SARNP: variants seen among roughly 807,000 people sequenced by gnomAD.
SARNP encodes the protein SAP domain-containing ribonucleoprotein.
SARNP carries 5 observed loss-of-function variants against 38.1 expected under a neutral mutation model. That is an observed-to-expected ratio of 0.13 (90% CI 0.07 to 0.28). The LOEUF is 0.28. Among genes scored for constraint, SARNP ranks in the 10% least tolerant of loss-of-function variants. The probability of loss-of-function intolerance (pLI) is 1.00; values close to 1 mark genes in which losing one functional copy is unlikely to be tolerated. For synonymous variants in SARNP, 84 were observed against 80.6 expected (o/e 1.04, Z -0.23); for missense variants, 180 against 243.9 (o/e 0.74, Z 1.75).
intron 1 of SARNP, among the ~76,000 whole-genome samples, chr12:55,811,794 A>G (rs1240720867): frequency 3.3e-5 from 5 of 152,162 alleles, no homozygotes; most frequent in Non-Finnish European, 7.3e-5. Flanking sequence ...TTGTCATTCC[A>G]CATATATCAA....
rs370359310 is a variant in SARNP at position 55,803,723 on chromosome 12, G to A, written c.42C>T (p.Ala14=). The A allele has an allele frequency of 4.1e-5, 66 of 1,610,848 alleles. No individual in the cohort carries two copies. The highest frequency in any genetic ancestry group is 8.0e-5 in the African/African-American group (6 of 74,750). The change falls in exon 2 of 11, where the codon GCC becomes GCT. Residue 14 remains alanine, a synonymous_variant. Coordinates refer to ENST00000336133, the MANE Select transcript of SARNP (RefSeq NM_033082.4). The part of the protein sequence containing the change: ...ETVELHKLKL[A]ELKQECLARG... ...GAGCAAGACATTCTTGCTTTAGTTC[G>A]GCAAGCTGAGGGGAAAAAAATAAAA...
intron 9 of SARNP, among the ~76,000 whole-genome samples, chr12:55,788,040 C>T (rs976847971): frequency 8.5e-5 from 13 of 152,186 alleles, no homozygotes; most frequent in African/African-American, 2.2e-4. Context: ...TGAGCCACCA[C>T]GCCTGGCCCG....
intron 1 of SARNP, 94 bp downstream of exon 1, chr12:55,817,572 G>A: frequency 8.3e-7 from 1 of 1,201,184 alleles, no homozygotes. Context: ...AGTGGAAAAG[G>A]CTGCACGGAG....
chr12:55,800,866 T>A lies in SARNP; in HGVS notation c.171A>T (p.Gly57=). 1 of 1,613,048 alleles carries A rather than the reference T, an allele frequency of 6.2e-7. No homozygotes were observed. The highest frequency in any genetic ancestry group is 8.5e-7 in the Non-Finnish European group (1 of 1,179,080). Residue 57 remains glycine (G), a synonymous_variant, in exon 3 of 11, where the codon GGA becomes GGT. Coordinates refer to ENST00000336133, the MANE Select transcript of SARNP (RefSeq NM_033082.4). ...EEEANEEDVL[G]DETEEEETKP... is the part of the protein sequence containing the mutation. ...CTATCCAACTCACCTCTGTTTCATC[T>A]CCCAGTACATCTTCTTCATTTGCCT... is the stretch of plus-strand genomic sequence containing the variant.
intron 1 of SARNP, among the ~76,000 whole-genome samples, chr12:55,810,622 T>C (rs1279589026): frequency 6.6e-6 from 1 of 151,912 alleles, no homozygotes; most frequent in Non-Finnish European, 1.5e-5. Flanking sequence ...CCAGCTAATT[T>C]TGTATTTTTT....
rs1879638832 is a variant in SARNP at position 55,790,629 on chromosome 12, A to G, written c.407-37T>C. 3.4e-6 allele frequency: 5 copies of G among 1,455,276 alleles called. No homozygotes were observed. The East Asian group carries it at 1.3e-4, about 38-fold the overall frequency. The allele number at this position is 1,455,276 out of a possible 1,614,324, so 90.1% of individuals were successfully genotyped here. ...AATAAAGTTTTATTTAATATTTTTAAAAGTCATCAAAGCCAACAGTCTTCA... is the reference window on the plus strand; with the variant it reads ...AATAAAGTTTTATTTAATATTTTTAGAAGTCATCAAAGCCAACAGTCTTCA... On this transcript the variant is annotated intron_variant, in intron 7 of 10. Coordinates refer to ENST00000336133, the MANE Select transcript of SARNP (RefSeq NM_033082.4).
At chr12:55,808,548 C>T (rs1449486163) in intron 1 of SARNP, among the ~76,000 whole-genome samples, 1 of 152,108 alleles carries the variant, frequency 6.6e-6, no homozygotes, top group African/African-American at 2.4e-5. Flanking sequence ...CCACCCGCCT[C>T]GGCCTCCCAA....
intron 9 of SARNP, among the ~76,000 whole-genome samples, chr12:55,769,010 C>A (rs1320316160): frequency 6.6e-6 from 1 of 152,204 alleles, no homozygotes; most frequent in Admixed American, 6.5e-5. Context: ...AGCCACCATG[C>A]CAGGCCAAAC....
At chr12:55,803,559 AG>A in intron 2 of SARNP, 69 bp downstream of exon 2, 9 of 940,822 alleles carry the variant, frequency 9.6e-6, no homozygotes, top group South Asian at 3.2e-5. Flanking sequence ...AAAAAAAAAA[AG>A]AAATCTTTTC....
intron 1 of SARNP, 55 bp downstream of exon 1, chr12:55,817,611 T>C: frequency 9.1e-6 from 14 of 1,546,098 alleles, no homozygotes; most frequent in Non-Finnish European, 1.2e-5. Flanking sequence ...CAAGCTACCC[T>C]GTAGAATTCA....
At chr12:55,763,677 TC>T (rs1371748358) in intron 9 of SARNP, among the ~76,000 whole-genome samples, 1 of 152,150 alleles carries the variant, frequency 6.6e-6, no homozygotes, top group African/African-American at 2.4e-5. Context: ...AGTCTTGAAC[TC>T]CTGGGCTCAA....
intron 9 of SARNP, among the ~76,000 whole-genome samples, chr12:55,788,349 CA>C (rs1172482290): frequency 6.6e-6 from 1 of 151,810 alleles, no homozygotes; most frequent in African/African-American, 2.4e-5. Context: ...TTTGTTCCAC[CA>C]ATCCTCCAAG....
At chr12:55,809,653 G>A (rs1443729324) in intron 1 of SARNP, among the ~76,000 whole-genome samples, 3 of 145,796 alleles carry the variant, frequency 2.1e-5, no homozygotes, top group Non-Finnish European at 4.5e-5. Context: ...TAAGGCAGGG[G>A]CATCACTTGA....
At chr12:55,771,023 T>G (rs2136183250) in intron 9 of SARNP, among the ~76,000 whole-genome samples, 1 of 151,098 alleles carries the variant, frequency 6.6e-6, no homozygotes, top group Middle Eastern at 3.4e-3. Flanking sequence ...CTGCAACCTC[T>G]CCTTCCCGGG....
Position 55,770,491 on chromosome 12 carries a change from A to G in SARNP, c.502-9851T>C, listed in dbSNP as rs541174593. On this transcript the variant is annotated intron_variant, in intron 9 of 10. Transcript: ENST00000336133. ...CCTGACCTCATGATCCGCCTGCCTCAGTCTCCCAAAGTGCTGTGATTACAG... is the reference window on the plus strand; with the variant it reads ...CCTGACCTCATGATCCGCCTGCCTCGGTCTCCCAAAGTGCTGTGATTACAG... Among the ~76,000 whole-genome samples the G allele has an allele frequency of 1.5e-3, 219 of 150,676 alleles. 3 individuals are homozygous for G. Among genetic ancestry groups the G allele is most frequent in the African/African-American group, 4.9e-3 (201 of 40,868 alleles).
intron 9 of SARNP, among the ~76,000 whole-genome samples, chr12:55,775,065 T>G (rs1879135522): frequency 6.6e-6 from 1 of 150,840 alleles, no homozygotes; most frequent in Non-Finnish European, 1.5e-5. Context: ...TTTTTTGTAT[T>G]TTTAGTAGAG....
intron 5 of SARNP, 73 bp from the exon 6 acceptor site, chr12:55,794,953 T>C (rs1879778380): frequency 4.0e-5 from 13 of 322,102 alleles, no homozygotes; most frequent in South Asian, 3.5e-4. Flanking sequence ...GAGGTAGGTA[T>C]CTTTAAAAAA....
intron 9 of SARNP, among the ~76,000 whole-genome samples, chr12:55,788,280 T>G (rs1468871465): frequency 6.6e-6 from 1 of 152,084 alleles, no homozygotes; most frequent in African/African-American, 2.4e-5. Context: ...TCATCTTGCT[T>G]AATAAACTAA....
At chr12:55,786,297 T>G (rs1879491814) in intron 9 of SARNP, among the ~76,000 whole-genome samples, 1 of 152,180 alleles carries the variant, frequency 6.6e-6, no homozygotes, top group African/African-American at 2.4e-5. Context: ...GACAATTCCT[T>G]AGAAGATGGA....
Sources: gnomAD v4.1 joint callset for allele counts (sites outside exome capture counted in the v4.1 genomes callset) on GRCh38, gnomAD v4.1.1 for gene constraint, MANE v1.5 for transcripts, NCBI Gene and HGNC (gene_info 2026-07-23, HGNC 2026-07-21) for gene names.